DYNC2H1: variants seen among roughly 807,000 people sequenced by gnomAD.
DYNC2H1 encodes dynein cytoplasmic 2 heavy chain 1.
Under a neutral mutation model 570.0 loss-of-function variants are expected in DYNC2H1, and 410 were observed. That is an observed-to-expected ratio of 0.72 (90% CI 0.66 to 0.78). The LOEUF (loss-of-function observed/expected upper bound fraction) is 0.78, where lower values mean the gene tolerates loss of function less well. DYNC2H1 is among the 30% of genes least tolerant of loss of function. The probability of loss-of-function intolerance (pLI) is 0.00; values close to 1 mark genes in which losing one functional copy is unlikely to be tolerated. For missense variants in DYNC2H1, 4,865 were observed against 5,046.4 expected (o/e 0.96, Z 1.09); for synonymous variants, 1,688 against 1,677.6 (o/e 1.01, Z -0.15).
intron 61 of DYNC2H1, 21 bp downstream of exon 61, chr11:103,234,181 A>C: frequency 6.4e-7 from 1 of 1,574,724 alleles, no homozygotes; most frequent in African/African-American, 1.3e-5. Context: ...GAGAGGGGCC[A>C]TGAGGAGTCT....
chr11:103,161,439 T>G (rs1861089003), intron 29 of DYNC2H1, among the ~76,000 whole-genome samples: 3 of 152,086 alleles, frequency 2.0e-5, no homozygotes, highest in South Asian at 4.1e-4. Context: ...GATTTCAGAT[T>G]TTGTTAGATT....
At chr11:103,394,299 G>T (rs1942298302) in intron 83 of DYNC2H1, among the ~76,000 whole-genome samples, 1 of 152,110 alleles carries the variant, frequency 6.6e-6, no homozygotes, top group Non-Finnish European at 1.5e-5. Context: ...GAATCTGTAG[G>T]TTCCACATCT....
intron 75 of DYNC2H1, among the ~76,000 whole-genome samples, chr11:103,302,503 AC>A (rs1482217543): frequency 1.3e-5 from 2 of 152,082 alleles, no homozygotes; most frequent in African/African-American, 2.4e-5. Flanking sequence ...ATATAAACTG[AC>A]AGCTATGTAC....
intron 84 of DYNC2H1, among the ~76,000 whole-genome samples, chr11:103,418,147 CAA>C (rs1943355487): frequency 6.6e-6 from 1 of 151,008 alleles, no homozygotes; most frequent in Non-Finnish European, 1.5e-5. Context: ...CACTTCTATT[CAA>C]TGTTGCACCA....
At chr11:103,359,669 T>A (rs1434953497) in intron 83 of DYNC2H1, among the ~76,000 whole-genome samples, 3 of 35,262 alleles carry the variant, frequency 8.5e-5, no homozygotes, top group African/African-American at 1.9e-4. Flanking sequence ...TTTTTTTTAC[T>A]TTTTTTTTTT....
At chr11:103,474,688 C>A (rs1945499207) in intron 88 of DYNC2H1, among the ~76,000 whole-genome samples, 1 of 151,904 alleles carries the variant, frequency 6.6e-6, no homozygotes, top group Admixed American at 6.6e-5. Flanking sequence ...GGTATTGTTA[C>A]AATTATTCTA....
intron 75 of DYNC2H1, among the ~76,000 whole-genome samples, chr11:103,288,617 C>A (rs1390060461): frequency 7.6e-6 from 1 of 131,986 alleles, no homozygotes; most frequent in African/African-American, 2.9e-5. Flanking sequence ...GAGGCCAAAA[C>A]GGGCAGATCA....
chr11:103,271,985 C>A (rs1028554118), intron 70 of DYNC2H1, among the ~76,000 whole-genome samples: 5 of 152,190 alleles, frequency 3.3e-5, no homozygotes, highest in Non-Finnish European at 7.3e-5. Flanking sequence ...GGACTGTAAA[C>A]TGGTTCAACC....
chr11:103,292,425 T>A (rs12416972), intron 75 of DYNC2H1, among the ~76,000 whole-genome samples: 25,118 of 152,198 alleles, frequency 0.17, 2,247 homozygotes, highest in Admixed American at 0.25. Flanking sequence ...TTTTGGGGAT[T>A]TTTTTGGTCT....
chr11:103,332,613 C>A (rs1456159336), intron 82 of DYNC2H1, among the ~76,000 whole-genome samples: 1 of 152,178 alleles, frequency 6.6e-6, no homozygotes, highest in Non-Finnish European at 1.5e-5. Context: ...CCATTCAAGT[C>A]AGAAGATAAT....
At chr11:103,356,248 A>G (rs1488164887) in intron 82 of DYNC2H1, among the ~76,000 whole-genome samples, 1 of 152,234 alleles carries the variant, frequency 6.6e-6, no homozygotes, top group Non-Finnish European at 1.5e-5. Context: ...GGTAGATTTT[A>G]TAAAAACAGA....
In DYNC2H1 at chr11:103,145,830, C is replaced by G. The variant is rs1306558918; in HGVS notation, c.2703-1942C>G. On this transcript the variant is annotated intron_variant, in intron 18 of 88. Transcript: ENST00000375735. This position sits in a 1 kb window ranked among gnomAD's most constrained non-coding sequence, Gnocchi z 4.2. ...TCTTCCATTTCTATCTATGGCTGAACAGAATCTCAGTTTCATATTGTGAAT... is the reference window on the plus strand; with the variant it reads ...TCTTCCATTTCTATCTATGGCTGAAGAGAATCTCAGTTTCATATTGTGAAT... Among the ~76,000 whole-genome samples the G allele has an allele frequency of 6.6e-6, 1 of 152,112 alleles. No homozygotes were observed. Among genetic ancestry groups the G allele is most frequent in the Non-Finnish European group, 1.5e-5 (1 of 68,016 alleles).
chr11:103,304,459 T>G, intron 76 of DYNC2H1, 136 bp from the exon 77 acceptor site: 1 of 990,024 alleles, frequency 1.0e-6, no homozygotes, highest in South Asian at 2.7e-5. Flanking sequence ...TGGTATTAGT[T>G]TGATTCTTCT....
At position 103,220,770 on chromosome 11, in the gene DYNC2H1, G is replaced by A. The variant is rs1192319125; in HGVS notation, c.9094G>A (p.Val3032Met). Residue 3032 changes from valine to methionine, a missense_variant, in exon 57 of 89, where the codon GTG becomes ATG. Transcript: ENST00000375735. The stretch of plus-strand genomic sequence containing the variant: ...GATGGGTATCTTTGATACATCTTGG[G>A]TGAGCATGAAAAGGTACATTTTTCA... Reference protein sequence around the residue: ...RLMGIFDTSWVSMKSFLAKRG... With the variant: ...RLMGIFDTSWMSMKSFLAKRG... 1.2e-6 allele frequency: 2 copies of A among 1,606,704 alleles called. No individual in the cohort carries two copies. The highest frequency in any genetic ancestry group is 3.4e-5 in the Admixed American group (2 of 58,902).
In DYNC2H1 at chr11:103,364,835, G is replaced by A. The variant is rs562767117; in HGVS notation, c.12156+6476G>A. On this transcript the variant is annotated intron_variant, in intron 83 of 88. Transcript: ENST00000375735. ...TGTGAGAGGGAGGGCATGCCCTCTC[G>A]TTACTTCAGTAGTGAAGTGGAGCCC... 6.6e-5 allele frequency among the ~76,000 whole-genome samples: 10 copies of A among 152,164 alleles called. No individual in the cohort carries two copies. The South Asian group carries it at 1.0e-3, about 16-fold the overall frequency.
At chr11:103,175,302 A>T (rs1293261312) in intron 36 of DYNC2H1, among the ~76,000 whole-genome samples, 2 of 152,174 alleles carry the variant, frequency 1.3e-5, no homozygotes, top group African/African-American at 4.8e-5. Flanking sequence ...AATGGCATCT[A>T]CATTAGCTGT....
intron 84 of DYNC2H1, among the ~76,000 whole-genome samples, chr11:103,418,594 G>C (rs1163108331): frequency 2.0e-5 from 3 of 152,122 alleles, no homozygotes; most frequent in Non-Finnish European, 4.4e-5. Context: ...TGGCACTATG[G>C]AGAGGAATGA....
chr11:103,187,530 A>C lies in DYNC2H1; in HGVS notation c.7084A>C (p.Asn2362His), dbSNP rs763131268. 1 of 1,613,288 alleles carries C rather than the reference A, an allele frequency of 6.2e-7. No individual in the cohort carries two copies. The highest frequency in any genetic ancestry group is 8.5e-7 in the Non-Finnish European group (1 of 1,179,456). The change falls in exon 43 of 89, where the codon AAC becomes CAC. Residue 2362 changes from asparagine to histidine, a missense_variant. Transcript: ENST00000375735. ...ACTTGTTCTGTACTTAAAAGATATC[A>C]ACCTACCTAAACTTGATAAATGGGG... The part of the protein sequence containing the change: ...ERLVLYLKDI[N>H]LPKLDKWGTS...
In DYNC2H1 at chr11:103,199,936, A is replaced by G. The variant is rs1213558012; in HGVS notation, c.8089-110A>G. The G allele has an allele frequency of 7.2e-6, 5 of 699,300 alleles. No individual in the cohort carries two copies. Among genetic ancestry groups the G allele is most frequent in the African/African-American group, 3.8e-5 (2 of 52,882 alleles). 43.3% of individuals were successfully genotyped at this position (699,300 alleles called of 1,614,324 possible). A position where few individuals can be genotyped will look rare whatever the true frequency, so the allele number is the denominator to read the frequency against. On this transcript the variant is annotated intron_variant, in intron 49 of 88. Transcript: ENST00000375735. The surrounding 1 kb of genome is among the most constrained non-coding windows in gnomAD (Gnocchi z 4.6). ...TAATTATTAAAATGGAAATAAATGA[A>G]TAAATAAACACATGATACTGGCATA... is the stretch of plus-strand genomic sequence containing the variant.
Sources: gnomAD v4.1 joint callset for allele counts (sites outside exome capture counted in the v4.1 genomes callset) on GRCh38, gnomAD v4.1.1 for gene constraint, Gnocchi (gnomAD v3.1) non-coding constraint, MANE v1.5 for transcripts, NCBI Gene and HGNC (gene_info 2026-07-23, HGNC 2026-07-21) for gene names.